Variants in CSMD1 observed in about 807,000 individuals in gnomAD.
The protein encoded by CSMD1 is CUB and Sushi multiple domains 1, also known as CUB and sushi domain-containing protein 1.
CSMD1 carries 213 observed loss-of-function variants against 417.5 expected under a neutral mutation model. The ratio of observed to expected loss-of-function variants is 0.51; its 90% CI spans 0.46 to 0.57. The LOEUF is 0.57. CSMD1 is among the 20% of genes least tolerant of loss of function. CSMD1 has a pLI of 0.00. For missense variants in CSMD1, 6,923 were observed against 4,529.7 expected (o/e 1.53, Z -15.17); for synonymous variants, 2,862 against 1,736.8 (o/e 1.65, Z -16.11).
At chr8:3,789,404 G>A (rs1455828997) in intron 5 of CSMD1, among the ~76,000 whole-genome samples, 1 of 15,784 alleles carries the variant, frequency 6.3e-5, no homozygotes, top group African/African-American at 1.3e-4. Flanking sequence ...TTTTTTTTAA[G>A]TAAGTTTTTT....
At chr8:3,511,826 AAAT>A (rs1797086061) in intron 10 of CSMD1, among the ~76,000 whole-genome samples, 1 of 151,658 alleles carries the variant, frequency 6.6e-6, no homozygotes, top group Non-Finnish European at 1.5e-5. Flanking sequence ...ACATAACAAT[AAAT>A]AAAATAAAAT....
intron 5 of CSMD1, among the ~76,000 whole-genome samples, chr8:3,904,334 A>T (rs1347745295): frequency 2.6e-5 from 4 of 151,926 alleles, no homozygotes; most frequent in African/African-American, 9.7e-5. Flanking sequence ...GCCCAGTCCT[A>T]CAAATAGAAA....
chr8:3,872,452 G>A (rs1202312275), intron 5 of CSMD1, among the ~76,000 whole-genome samples: 5 of 152,262 alleles, frequency 3.3e-5, no homozygotes, highest in African/African-American at 7.2e-5. Flanking sequence ...AGCCCACTGT[G>A]CAAATGAAAA....
chr8:3,990,065 A>G (rs1295623339), intron 5 of CSMD1, among the ~76,000 whole-genome samples: 1 of 152,194 alleles, frequency 6.6e-6, no homozygotes, highest in Non-Finnish European at 1.5e-5. Flanking sequence ...GAATGACTAA[A>G]ATGGAGTGGG....
At chr8:4,585,328 GC>G in intron 2 of CSMD1, among the ~76,000 whole-genome samples, 1 of 152,120 alleles carries the variant, frequency 6.6e-6, no homozygotes, top group Non-Finnish European at 1.5e-5. Flanking sequence ...AGCAGATTAG[GC>G]AAAGTTGAAA....
intron 46 of CSMD1, among the ~76,000 whole-genome samples, chr8:3,105,722 C>G (rs938257805): frequency 2.6e-5 from 4 of 152,122 alleles, no homozygotes; most frequent in African/African-American, 9.7e-5. Context: ...TAAACACCAG[C>G]TAATTATATG....
At chr8:3,774,687 G>A (rs991406822) in intron 5 of CSMD1, among the ~76,000 whole-genome samples, 1 of 152,120 alleles carries the variant, frequency 6.6e-6, no homozygotes, top group Non-Finnish European at 1.5e-5. Flanking sequence ...TTTGACTAAT[G>A]CTAAGTGCAA....
chr8:3,857,929 CCAAT>C (rs1287964745), intron 5 of CSMD1, among the ~76,000 whole-genome samples: 1 of 152,198 alleles, frequency 6.6e-6, no homozygotes, highest in African/African-American at 2.4e-5. Flanking sequence ...TGGCTTCCAG[CCAAT>C]CAAATAAAGC....
chr8:4,515,735 C>T (rs1365133676), intron 2 of CSMD1, among the ~76,000 whole-genome samples: 1 of 152,038 alleles, frequency 6.6e-6, no homozygotes, highest in Non-Finnish European at 1.5e-5. Context: ...CCTGTAGAGC[C>T]CAGGGTAGTC....
intron 5 of CSMD1, among the ~76,000 whole-genome samples, chr8:3,921,421 C>T (rs1809254199): frequency 6.6e-6 from 1 of 151,456 alleles, no homozygotes; most frequent in African/African-American, 2.4e-5. Flanking sequence ...GTATTATTTT[C>T]TTTCTTCTAT....
chr8:4,819,217 A>C (rs1055171466), intron 1 of CSMD1, among the ~76,000 whole-genome samples: 4 of 152,206 alleles, frequency 2.6e-5, no homozygotes, highest in Non-Finnish European at 5.9e-5. Context: ...TAATAATAAC[A>C]ATTATTACAA....
chr8:4,403,346 T>C (rs540972980), intron 3 of CSMD1, among the ~76,000 whole-genome samples: 2 of 152,228 alleles, frequency 1.3e-5, no homozygotes, highest in South Asian at 2.1e-4. Context: ...AGAACAAAAC[T>C]CCTTATAAGG....
At chr8:4,060,322 C>G (rs553442674) in intron 3 of CSMD1, among the ~76,000 whole-genome samples, 1 of 152,284 alleles carries the variant, frequency 6.6e-6, no homozygotes, top group East Asian at 1.9e-4. Context: ...CTATGACAAA[C>G]CCACAGCCGA....
intron 1 of CSMD1, among the ~76,000 whole-genome samples, chr8:4,677,732 G>A (rs1435550521): frequency 6.6e-6 from 1 of 152,094 alleles, no homozygotes; most frequent in African/African-American, 2.4e-5. Flanking sequence ...GTTCTTGGCA[G>A]GCAACAGATG....
At position 3,068,232 on chromosome 8, in the gene CSMD1, G is replaced by T. The variant is rs558583070; in HGVS notation, c.7475-15585C>A. ...AAAAAATGTGAAAACTTTCTTCATA[G>T]ATTTGCTCATGTTCTTTTTTCTTTT... On this transcript the variant is annotated intron_variant, in intron 49 of 69. Coordinates refer to ENST00000635120, the MANE Select transcript of CSMD1 (RefSeq NM_033225.6). Among the ~76,000 whole-genome samples, 5 of 152,134 alleles carry T rather than the reference G, an allele frequency of 3.3e-5. No individual in the cohort carries two copies. The East Asian group carries it at 7.7e-4, about 24-fold the overall frequency.
chr8:3,849,263 G>A (rs34582453), intron 5 of CSMD1, among the ~76,000 whole-genome samples: 17,744 of 152,034 alleles, frequency 0.12, 1,125 homozygotes, highest in South Asian at 0.18. Context: ...ACAGGAACAC[G>A]GGTGCATGTG....
intron 11 of CSMD1, among the ~76,000 whole-genome samples, chr8:3,473,415 C>G (rs182361991): frequency 2.0e-5 from 3 of 152,124 alleles, no homozygotes; most frequent in Non-Finnish European, 4.4e-5. Flanking sequence ...AAATTTCATA[C>G]AGTAAAAGCA....
chr8:4,827,081 T>C (rs1330681618), intron 1 of CSMD1, among the ~76,000 whole-genome samples: 1 of 152,116 alleles, frequency 6.6e-6, no homozygotes, highest in East Asian at 1.9e-4. Flanking sequence ...ATTAAGTCCA[T>C]GTTCTGGCAA....
intron 3 of CSMD1, among the ~76,000 whole-genome samples, chr8:4,093,745 G>C (rs1191036335): frequency 1.3e-5 from 2 of 152,128 alleles, no homozygotes; most frequent in African/African-American, 4.8e-5. Flanking sequence ...AAGATAAACT[G>C]AGGTCAGGAG....
Sources: gnomAD v4.1 joint callset for allele counts (sites outside exome capture counted in the v4.1 genomes callset) on GRCh38, gnomAD v4.1.1 for gene constraint, MANE v1.5 for transcripts, NCBI Gene and HGNC (gene_info 2026-07-23, HGNC 2026-07-21) for gene names.